Variants in OPCML observed in about 807,000 individuals in gnomAD.
The protein encoded by OPCML is opioid binding protein/cell adhesion molecule like.
OPCML carries 13 observed loss-of-function variants against 37.8 expected under a neutral mutation model. The ratio of observed to expected loss-of-function variants is 0.34; its 90% CI spans 0.22 to 0.55. OPCML has a LOEUF of 0.55. Ranked by LOEUF, OPCML falls within the 20% of genes least tolerant of loss-of-function variation. OPCML has a pLI of 0.91. For synonymous variants in OPCML, 176 were observed against 168.8 expected, an observed-to-expected ratio of 1.04 and a Z score of -0.33; for missense variants, 341 against 435.6, an observed-to-expected ratio of 0.78 and a Z score of 1.93.
intron 1 of OPCML, among the ~76,000 whole-genome samples, chr11:133,253,161 A>AG (rs1484548545): frequency 6.6e-6 from 1 of 150,936 alleles, no homozygotes; most frequent in African/African-American, 2.4e-5. Flanking sequence ...AAAAAAAAAA[A>AG]GGAAAGAAAT....
At chr11:133,403,494 A>G (rs538259829) in intron 1 of OPCML, among the ~76,000 whole-genome samples, 40 of 152,282 alleles carry the variant, frequency 2.6e-4, no homozygotes, top group Middle Eastern at 3.4e-3. Context: ...GTTATCAAAT[A>G]TTATTTAAGG....
chr11:133,391,434 C>G (rs1857236956), intron 1 of OPCML, among the ~76,000 whole-genome samples: 2 of 152,104 alleles, frequency 1.3e-5, no homozygotes, highest in Non-Finnish European at 2.9e-5. Context: ...CCTCCATGAG[C>G]TCCAGAAACA....
chr11:132,485,526 G>A (rs1191319891), intron 4 of OPCML, among the ~76,000 whole-genome samples: 1 of 152,132 alleles, frequency 6.6e-6, no homozygotes. Context: ...TTCAGGACTG[G>A]TCCAGTCAAT....
At chr11:132,727,581 G>T (rs1944931286) in intron 2 of OPCML, among the ~76,000 whole-genome samples, 3 of 152,148 alleles carry the variant, frequency 2.0e-5, no homozygotes, top group Admixed American at 2.0e-4. Flanking sequence ...AACCTCAACT[G>T]CAGGCTGGAA....
At chr11:133,108,885 G>A (rs552588914) in intron 1 of OPCML, among the ~76,000 whole-genome samples, 1 of 152,096 alleles carries the variant, frequency 6.6e-6, no homozygotes, top group African/African-American at 2.4e-5. Flanking sequence ...CGGAGTGCCC[G>A]CTGAATACGT....
intron 1 of OPCML, among the ~76,000 whole-genome samples, chr11:133,084,561 T>C (rs1382218164): frequency 6.6e-6 from 1 of 152,178 alleles, no homozygotes; most frequent in African/African-American, 2.4e-5. Flanking sequence ...TTGAAGGATA[T>C]TCGGCTTGGC....
chr11:132,636,938 C>T (rs1352766772), intron 3 of OPCML, among the ~76,000 whole-genome samples: 1 of 152,126 alleles, frequency 6.6e-6, no homozygotes, highest in African/African-American at 2.4e-5. Context: ...GGTTCTAATA[C>T]GTTAGTAGAA....
intron 1 of OPCML, among the ~76,000 whole-genome samples, chr11:133,281,776 C>G (rs1942164860): frequency 6.6e-6 from 1 of 151,950 alleles, no homozygotes; most frequent in South Asian, 2.1e-4. Flanking sequence ...ACAGTAAAAT[C>G]CAGACTGTCA....
intron 1 of OPCML, among the ~76,000 whole-genome samples, chr11:133,027,736 CTG>C (rs375769078): frequency 0.031 from 10 of 320 alleles, no homozygotes; most frequent in South Asian, 0.29. Flanking sequence ...TGTGATGTGA[CTG>C]TGTGGTGTGA....
At chr11:132,865,124 T>C (rs1238173081) in intron 2 of OPCML, among the ~76,000 whole-genome samples, 1 of 152,202 alleles carries the variant, frequency 6.6e-6, no homozygotes, top group Non-Finnish European at 1.5e-5. Context: ...TATTATGAAA[T>C]TTTGAAAATG....
intron 2 of OPCML, among the ~76,000 whole-genome samples, chr11:132,762,778 C>T (rs958348782): frequency 6.6e-6 from 1 of 152,148 alleles, no homozygotes; most frequent in Non-Finnish European, 1.5e-5. Context: ...GCTGAGCAAG[C>T]CCACTCGGCT....
chr11:132,978,879 C>T (rs1218125525), intron 1 of OPCML, among the ~76,000 whole-genome samples: 2 of 152,178 alleles, frequency 1.3e-5, no homozygotes, highest in African/African-American at 4.8e-5. Context: ...TATTCATCTG[C>T]TCAGTTACCC....
At chr11:132,781,465 C>T (rs887221378) in intron 2 of OPCML, among the ~76,000 whole-genome samples, 3 of 152,046 alleles carry the variant, frequency 2.0e-5, no homozygotes, top group African/African-American at 7.2e-5. Context: ...GAATCTAAAC[C>T]ATGGGCTCTT....
intron 1 of OPCML, among the ~76,000 whole-genome samples, chr11:133,331,884 C>A (rs1645640700): frequency 6.6e-6 from 1 of 151,956 alleles, no homozygotes; most frequent in Non-Finnish European, 1.5e-5. Flanking sequence ...AAAAAAATTT[C>A]TTTTTGCTTA....
intron 2 of OPCML, among the ~76,000 whole-genome samples, chr11:132,910,825 C>T (rs903545179): frequency 1.3e-5 from 2 of 152,204 alleles, no homozygotes; most frequent in African/African-American, 2.4e-5. Flanking sequence ...GCAATATATT[C>T]TATCATCCAG....
chr11:132,673,898 T>C (rs1784506), intron 2 of OPCML, among the ~76,000 whole-genome samples: 122,485 of 152,134 alleles, frequency 0.81, 49,964 homozygotes, highest in African/African-American at 0.94. Context: ...TCTATCCCAT[T>C]CCTTCCTTCC....
chr11:133,499,787 TACACATATATATA>T (rs1947866105), intron 1 of OPCML, among the ~76,000 whole-genome samples: 1 of 141,516 alleles, frequency 7.1e-6, no homozygotes, highest in African/African-American at 2.7e-5. Context: ...TATATATATA[TACACATATATATA>T]TGTGTGTGTA....
At chr11:132,564,585 T>C (rs1248725206) in intron 3 of OPCML, among the ~76,000 whole-genome samples, 2 of 152,204 alleles carry the variant, frequency 1.3e-5, no homozygotes, top group East Asian at 1.9e-4. Context: ...AATCCTACTG[T>C]ACCTCCTAAG....
At chr11:132,711,659 G>C (rs1476383955) in intron 2 of OPCML, among the ~76,000 whole-genome samples, 3 of 152,100 alleles carry the variant, frequency 2.0e-5, no homozygotes, top group Admixed American at 2.0e-4. Context: ...GTGTGAGTGT[G>C]TATGTATGTA....
Sources: allele counts gnomAD v4.1 joint callset (sites outside exome capture counted in the v4.1 genomes callset), GRCh38; gene constraint gnomAD v4.1.1; transcripts MANE v1.5; gene names NCBI Gene and HGNC (gene_info 2026-07-23, HGNC 2026-07-21).